The following ATP8B4 variants were observed in gnomAD, a reference collection of about 807,000 sequenced individuals.
The protein encoded by ATP8B4 is probable phospholipid-transporting ATPase IM.
Under a neutral mutation model 145.6 loss-of-function variants are expected in ATP8B4, and 133 were observed. The observed-to-expected ratio is 0.91, with a 90% CI of 0.79 to 1.05. The LOEUF is 1.05. Ranked by LOEUF, ATP8B4 falls within the 50% of genes least tolerant of loss-of-function variation. The pLI, the probability that ATP8B4 is intolerant of heterozygous loss-of-function variation, is 0.00. For synonymous variants in ATP8B4, 507 were observed against 492.9 expected (o/e 1.03, Z -0.38); for missense variants, 1,458 against 1,425.2 (o/e 1.02, Z -0.37).
intron 1 of ATP8B4, among the ~76,000 whole-genome samples, chr15:50,153,310 A>T (rs964288318): frequency 1.3e-5 from 2 of 151,868 alleles, no homozygotes; most frequent in East Asian, 3.9e-4. Flanking sequence ...TGAAGGAAAG[A>T]GTTTTCATTC....
chr15:49,953,007 C>T (rs574099252), intron 14 of ATP8B4, among the ~76,000 whole-genome samples: 2 of 152,104 alleles, frequency 1.3e-5, no homozygotes, highest in South Asian at 4.1e-4. Flanking sequence ...CACTTCAGGC[C>T]TTATTCATCT....
chr15:50,123,885 A>T (rs190102833), upstream of ATP8B4, among the ~76,000 whole-genome samples: 8 of 152,192 alleles, frequency 5.3e-5, no homozygotes, highest in East Asian at 1.5e-3. Flanking sequence ...TCCTTTCCAT[A>T]CACCATAAAA....
At chr15:49,987,609 G>C in intron 9 of ATP8B4, 60 bp from the exon 10 acceptor site, 1 of 1,529,070 alleles carries the variant, frequency 6.5e-7, no homozygotes, top group Non-Finnish European at 8.9e-7. Flanking sequence ...CTCTTCAGAA[G>C]CCCACAGCAC....
intron 3 of ATP8B4, among the ~76,000 whole-genome samples, chr15:50,052,258 C>T (rs1048188421): frequency 1.3e-5 from 2 of 152,230 alleles, no homozygotes; most frequent in Admixed American, 6.5e-5. Flanking sequence ...CTCAGAAGTA[C>T]TTTCCCACCA....
At chr15:50,159,350 C>T (rs188866614) in intron 1 of ATP8B4, among the ~76,000 whole-genome samples, 1 of 152,236 alleles carries the variant, frequency 6.6e-6, no homozygotes, top group South Asian at 2.1e-4. Flanking sequence ...ATTTTGTATC[C>T]TGAAACTTAA....
At chr15:49,892,112 TAAA>T (rs564509918) in intron 23 of ATP8B4, among the ~76,000 whole-genome samples, 1 of 115,512 alleles carries the variant, frequency 8.7e-6, no homozygotes. Flanking sequence ...AAGACTCACC[TAAA>T]AAAAAAAAAA....
intron 1 of ATP8B4, among the ~76,000 whole-genome samples, chr15:50,112,532 G>A (rs1002707918): frequency 2.6e-5 from 4 of 151,944 alleles, no homozygotes; most frequent in African/African-American, 7.3e-5. Context: ...TCTCTGTTCC[G>A]TTCGGCTTGC....
intron 11 of ATP8B4, among the ~76,000 whole-genome samples, chr15:49,980,434 G>C (rs1247231928): frequency 6.6e-6 from 1 of 152,100 alleles, no homozygotes; most frequent in Non-Finnish European, 1.5e-5. Context: ...AGCAGACAAA[G>C]CAGTATTACA....
intron 14 of ATP8B4, among the ~76,000 whole-genome samples, chr15:49,960,106 C>T (rs1280562886): frequency 1.3e-5 from 2 of 150,630 alleles, no homozygotes; most frequent in Non-Finnish European, 2.9e-5. Flanking sequence ...CAGCTCACTG[C>T]AACCTCTGCC....
intron 2 of ATP8B4, among the ~76,000 whole-genome samples, chr15:50,097,847 CT>C (rs1168801812): frequency 2.0e-5 from 3 of 152,178 alleles, no homozygotes; most frequent in African/African-American, 7.2e-5. Flanking sequence ...GAATTCAGTA[CT>C]AACATTTACA....
intron 14 of ATP8B4, among the ~76,000 whole-genome samples, chr15:49,947,593 G>T (rs1420543657): frequency 7.9e-5 from 2 of 25,262 alleles, no homozygotes; most frequent in Non-Finnish European, 1.3e-4. Context: ...AATTTCAATG[G>T]TATTTTTTTA....
chr15:49,983,363 G>T (rs1418676770), intron 10 of ATP8B4, among the ~76,000 whole-genome samples: 3 of 152,258 alleles, frequency 2.0e-5, no homozygotes, highest in African/African-American at 7.2e-5. Flanking sequence ...CAGTTGCGAA[G>T]GTTGGAAGAA....
chr15:49,912,892 C>T (rs972792838), intron 20 of ATP8B4, among the ~76,000 whole-genome samples: 3 of 151,960 alleles, frequency 2.0e-5, no homozygotes, highest in South Asian at 2.1e-4. Context: ...CTGTGGGAAG[C>T]GGAGGCAGGC....
intron 9 of ATP8B4, among the ~76,000 whole-genome samples, chr15:49,988,777 T>A (rs183866935): frequency 1.3e-4 from 20 of 151,882 alleles, no homozygotes; most frequent in African/African-American, 4.9e-4. Context: ...AGAGGCTTCT[T>A]AGGGGGGTCC....
rs182293802 is a variant in ATP8B4 at position 49,985,560 on chromosome 15, T to C, written c.748+1831A>G. ...TTCTAATTAAGCTTTCTGCTAACAT[T>C]TGTGACCAGACTAAAGTCAATGCAG... On this transcript the variant is annotated intron_variant, in intron 10 of 27. Coordinates refer to ENST00000284509, the MANE Select transcript of ATP8B4 (RefSeq NM_024837.4). Among the ~76,000 whole-genome samples the C allele has an allele frequency of 5.3e-5, 8 of 152,320 alleles. No homozygotes were observed. The East Asian group carries it at 1.3e-3, about 26-fold the overall frequency.
At chr15:50,178,114 T>C (rs28689603) in intron 1 of ATP8B4, among the ~76,000 whole-genome samples, 5,615 of 152,192 alleles carry the variant, frequency 0.037, 133 homozygotes, top group African/African-American at 0.069. Flanking sequence ...CAGAAGACAG[T>C]GGGCATTTGA....
At chr15:50,006,193 T>C (rs1047643500) in intron 7 of ATP8B4, among the ~76,000 whole-genome samples, 12 of 149,292 alleles carry the variant, frequency 8.0e-5, no homozygotes, top group Admixed American at 6.0e-4. Flanking sequence ...TTGAGAAGAA[T>C]AAGAAAAAGA....
intron 2 of ATP8B4, among the ~76,000 whole-genome samples, chr15:50,078,289 T>C (rs2054316848): frequency 6.6e-6 from 1 of 151,504 alleles, no homozygotes; most frequent in Non-Finnish European, 1.5e-5. Flanking sequence ...CAAACCGTCC[T>C]CTCACCACAA....
chr15:49,966,874 G>A (rs1198975658), intron 13 of ATP8B4, among the ~76,000 whole-genome samples: 2 of 152,162 alleles, frequency 1.3e-5, no homozygotes, highest in African/African-American at 4.8e-5. Flanking sequence ...GAGAGTCCTG[G>A]CTGACATCTG....
Sources: allele counts gnomAD v4.1 joint callset (sites outside exome capture counted in the v4.1 genomes callset), GRCh38; gene constraint gnomAD v4.1.1; transcripts MANE v1.5; gene names NCBI Gene and HGNC (gene_info 2026-07-23, HGNC 2026-07-21).